The following PPP1R16B variants were observed in gnomAD, a reference collection of about 807,000 sequenced individuals.
PPP1R16B encodes protein phosphatase 1 regulatory subunit 16B.
Under a neutral mutation model 61.7 loss-of-function variants are expected in PPP1R16B, and 14 were observed. The observed-to-expected ratio is 0.23, with a 90% confidence interval of 0.15 to 0.35. PPP1R16B has a LOEUF of 0.35. PPP1R16B is among the 10% of genes least tolerant of loss of function. The probability of loss-of-function intolerance (pLI) is 1.00; values close to 1 mark genes in which losing one functional copy is unlikely to be tolerated. For missense variants in PPP1R16B, 547 were observed against 752.5 expected (o/e 0.73, Z 3.19); for synonymous variants, 266 against 305.3 (o/e 0.87, Z 1.34).
At chr20:38,807,385 G>A (rs1478823015) in intron 1 of PPP1R16B, among the ~76,000 whole-genome samples, 1 of 152,180 alleles carries the variant, frequency 6.6e-6, no homozygotes, top group African/African-American at 2.4e-5. Flanking sequence ...AGAGCGGGAG[G>A]ATGAACACTC....
chr20:38,900,177 C>G (rs1471365956), intron 4 of PPP1R16B, among the ~76,000 whole-genome samples: 2 of 152,142 alleles, frequency 1.3e-5, no homozygotes, highest in Non-Finnish European at 2.9e-5. Flanking sequence ...TAAAAGGATG[C>G]CTGCAAAAGG....
chr20:38,867,685 C>T (rs1300563340), intron 2 of PPP1R16B, among the ~76,000 whole-genome samples: 2 of 151,312 alleles, frequency 1.3e-5, no homozygotes, highest in African/African-American at 2.4e-5. Flanking sequence ...TCTTTTTTTT[C>T]CCCCCGAGAT....
chr20:38,814,215 C>T (rs2084720592), intron 1 of PPP1R16B, among the ~76,000 whole-genome samples: 1 of 152,214 alleles, frequency 6.6e-6, no homozygotes, highest in African/African-American at 2.4e-5. Context: ...CATTTCAGGA[C>T]ATCCGGCTTC....
At position 38,806,384 on chromosome 20, in the gene PPP1R16B, C is replaced by G. The variant is rs1409784250; in HGVS notation, c.-102+592C>G. Among the ~76,000 whole-genome samples, 1 of 152,052 alleles carries G rather than the reference C, an allele frequency of 6.6e-6. No homozygotes were observed. Among genetic ancestry groups the G allele is most frequent in the Non-Finnish European group, 1.5e-5 (1 of 67,970 alleles). On this transcript the variant is annotated intron_variant, in intron 1 of 10. Coordinates refer to ENST00000299824, the MANE Select transcript of PPP1R16B (RefSeq NM_015568.4). The surrounding 1 kb of genome is among the most constrained non-coding windows in gnomAD (Gnocchi z 4.5). ...CTCAGGATCCGGCTGACAGCACCAG[C>G]CAGCCCGGGGAGACCCCGCGAGTGG...
At chr20:38,901,882 G>A (rs1370182266) in intron 5 of PPP1R16B, among the ~76,000 whole-genome samples, 1 of 152,214 alleles carries the variant, frequency 6.6e-6, no homozygotes, top group East Asian at 1.9e-4. Context: ...TGGTAACAAA[G>A]TTACAGGCAC....
chr20:38,859,111 C>A (rs180958364), intron 2 of PPP1R16B, among the ~76,000 whole-genome samples: 104 of 152,304 alleles, frequency 6.8e-4, no homozygotes, highest in Middle Eastern at 3.4e-3. Flanking sequence ...GGGACCAAGA[C>A]CCCACCTTCT....
chr20:38,811,774 T>C (rs1457086319), intron 1 of PPP1R16B, among the ~76,000 whole-genome samples: 6 of 152,040 alleles, frequency 3.9e-5, no homozygotes, highest in Non-Finnish European at 8.8e-5. Flanking sequence ...ATCCAGTGAG[T>C]AGACACCAGG....
chr20:38,857,008 G>A (rs965833467), intron 2 of PPP1R16B, among the ~76,000 whole-genome samples: 1 of 152,214 alleles, frequency 6.6e-6, no homozygotes, highest in African/African-American at 2.4e-5. Context: ...CAATTCAAAT[G>A]CTCATGGTCC....
At position 38,897,980 on chromosome 20, in the gene PPP1R16B, A is replaced by G. The variant is rs199895823; in HGVS notation, c.467+2270A>G. Among the ~76,000 whole-genome samples the G allele has an allele frequency of 1.6e-4, 24 of 152,308 alleles. No individual in the cohort carries two copies. In the East Asian group the frequency reaches 3.9e-3, roughly 24 times the overall value. ...TGTCATTGAATTTTAGGATTTCTCTATGTATTCTGGAGATGAATCCCTTAT... is the reference window on the plus strand; with the variant it reads ...TGTCATTGAATTTTAGGATTTCTCTGTGTATTCTGGAGATGAATCCCTTAT... On this transcript the variant is annotated intron_variant, in intron 4 of 10. Transcript: ENST00000299824.
At position 38,834,827 on chromosome 20, in the gene PPP1R16B, CATATA is replaced by C. The variant is rs1048656320; in HGVS notation, c.-101-992_-101-988del. On this transcript the variant is annotated intron_variant, in intron 1 of 10. Transcript: ENST00000299824. ...TTATTAGACTGTTATAAAAGCATAA[CATATA>C]ATATATAACATTTTGATGAAAAATA... 1.6e-4 allele frequency among the ~76,000 whole-genome samples: 25 copies of C among 151,756 alleles called. No individual in the cohort carries two copies. In the East Asian group the frequency reaches 3.1e-3, roughly 19 times the overall value.
intron 2 of PPP1R16B, among the ~76,000 whole-genome samples, chr20:38,876,841 A>G (rs2085171251): frequency 6.6e-6 from 1 of 152,214 alleles, no homozygotes; most frequent in Non-Finnish European, 1.5e-5. Context: ...TCTGATTATA[A>G]AGGTAGTACA....
intron 1 of PPP1R16B, among the ~76,000 whole-genome samples, chr20:38,807,675 C>T (rs1401075839): frequency 2.6e-5 from 4 of 152,152 alleles, no homozygotes; most frequent in Non-Finnish European, 5.9e-5. Flanking sequence ...GGCTGAGTCC[C>T]CAGGATGCTG....
intron 2 of PPP1R16B, among the ~76,000 whole-genome samples, chr20:38,868,883 A>G (rs922651090): frequency 2.0e-5 from 3 of 152,226 alleles, no homozygotes; most frequent in Non-Finnish European, 4.4e-5. Flanking sequence ...TTTTGGACAT[A>G]TGGATTAGGT....
intron 2 of PPP1R16B, among the ~76,000 whole-genome samples, chr20:38,887,719 C>T (rs1310166992): frequency 5.3e-5 from 8 of 152,224 alleles, no homozygotes; most frequent in African/African-American, 9.6e-5. Flanking sequence ...GTCAGGACAG[C>T]GCCAAAGGAT....
At chr20:38,893,443 G>C (rs1384817348) in intron 3 of PPP1R16B, among the ~76,000 whole-genome samples, 1 of 152,204 alleles carries the variant, frequency 6.6e-6, no homozygotes, top group African/African-American at 2.4e-5. Flanking sequence ...CTCTGGTCGA[G>C]GGTGTTAGGA....
Position 38,918,109 on chromosome 20 carries a change from G to A in PPP1R16B, c.1195-48G>A. On this transcript the variant is annotated intron_variant, in intron 10 of 10. Transcript: ENST00000299824. The surrounding 1 kb of genome is among the most constrained non-coding windows in gnomAD (Gnocchi z 5.3). ...TCAGCAGAGAGACAGGTGGATAGTA[G>A]GTTCAGATCTTCCAGCCAGCTGGTA... is the stretch of plus-strand genomic sequence containing the variant. The A allele has an allele frequency of 2.5e-6, 4 of 1,598,210 alleles. No homozygotes were observed. The highest frequency in any genetic ancestry group is 3.4e-6 in the Non-Finnish European group (4 of 1,169,314).
At chr20:38,890,263 G>A (rs187372633) in intron 3 of PPP1R16B, among the ~76,000 whole-genome samples, 1 of 152,366 alleles carries the variant, frequency 6.6e-6, no homozygotes, top group East Asian at 1.9e-4. Context: ...CCATGGGGAT[G>A]CTTAAGCCAA....
At chr20:38,861,918 A>G (rs1241131975) in intron 2 of PPP1R16B, among the ~76,000 whole-genome samples, 1 of 150,612 alleles carries the variant, frequency 6.6e-6, no homozygotes, top group Non-Finnish European at 1.5e-5. Context: ...CTTATGATCC[A>G]CCCACCTCGG....
chr20:38,912,503 CAAAA>C (rs58456397), intron 10 of PPP1R16B, among the ~76,000 whole-genome samples: 2 of 81,006 alleles, frequency 2.5e-5, no homozygotes, highest in Non-Finnish European at 2.6e-5. Flanking sequence ...TACCCCCCAC[CAAAA>C]AAAAAAAAAA....
Sources: allele counts gnomAD v4.1 joint callset (sites outside exome capture counted in the v4.1 genomes callset), GRCh38; gene constraint gnomAD v4.1.1; non-coding constraint Gnocchi (gnomAD v3.1); transcripts MANE v1.5; gene names NCBI Gene and HGNC (gene_info 2026-07-23, HGNC 2026-07-21).